RPS29: variants seen among roughly 807,000 people sequenced by gnomAD.
RPS29 encodes ribosomal protein S29.
For synonymous variants in RPS29, 37 were observed against 26.9 expected, an observed-to-expected ratio of 1.37 and a Z score of -1.16; for missense variants, 60 against 75.7, an observed-to-expected ratio of 0.79 and a Z score of 0.77.
chr14:49,586,642 C>T (rs1336591922), upstream of RPS29: 15 of 434,302 alleles, frequency 3.5e-5, no homozygotes, highest in African/African-American at 6.0e-5. Flanking sequence ...TGGAGGATCG[C>T]TTGAGTCCAG....
upstream of RPS29, among the ~76,000 whole-genome samples, chr14:49,591,230 C>T (rs979851931): frequency 9.9e-5 from 15 of 152,178 alleles, no homozygotes; most frequent in Admixed American, 9.8e-4. Flanking sequence ...AACCCTAGAC[C>T]CCTATTTTCC....
chr14:49,598,431 T>C (rs1421465794), exon 1 of RPS29: 2 of 701,246 alleles, frequency 2.9e-6, no homozygotes, highest in South Asian at 1.5e-5. Flanking sequence ...TCAGCAGGAA[T>C]TGCCAAGTCA....
intron 1 of RPS29, among the ~76,000 whole-genome samples, chr14:49,594,118 A>G (rs1379960974): frequency 1.3e-5 from 2 of 152,140 alleles, no homozygotes; most frequent in Non-Finnish European, 2.9e-5. Context: ...ATTCTATGAT[A>G]GGATATCCCT....
chr14:49,577,641 T>A, exon 3 of RPS29: 1 of 719,858 alleles, frequency 1.4e-6, no homozygotes, highest in Non-Finnish European at 2.5e-6. Flanking sequence ...TGGGCATAGA[T>A]CTGGCCCTCA....
intron 1 of RPS29, among the ~76,000 whole-genome samples, chr14:49,592,899 A>G (rs1262328108): frequency 7.4e-6 from 1 of 135,044 alleles, no homozygotes; most frequent in African/African-American, 2.6e-5. Flanking sequence ...CAAGAGCGAA[A>G]CCGCATCTCA....
downstream of RPS29, among the ~76,000 whole-genome samples, chr14:49,582,017 A>ACC (rs1566478913): frequency 1.1e-3 from 155 of 142,574 alleles, 2 homozygotes; most frequent in African/African-American, 3.8e-3. Flanking sequence ...CCCCCCAAAA[A>ACC]AAAAAAAAAA....
At chr14:49,588,566 C>T (rs149937057), upstream of RPS29, among the ~76,000 whole-genome samples, 4 of 151,470 alleles carry the variant, frequency 2.6e-5, no homozygotes, top group East Asian at 7.8e-4. Context: ...CTCACTCTGT[C>T]GCCCAGGCTG....
chr14:49,593,674 C>A (rs1881761242), intron 1 of RPS29, among the ~76,000 whole-genome samples: 1 of 106,152 alleles, frequency 9.4e-6, no homozygotes, highest in African/African-American at 3.7e-5. Context: ...GCCTGGGCGA[C>A]AGAGCAAGAC....
chr14:49,589,115 G>T (rs1365741691), upstream of RPS29, among the ~76,000 whole-genome samples: 2 of 151,622 alleles, frequency 1.3e-5, no homozygotes, highest in African/African-American at 4.8e-5. Context: ...GGATGGTCTC[G>T]ATCTCCTGAC....
intron 2 of RPS29, 140 bp downstream of exon 2, chr14:49,585,810 T>TA (rs980313507): frequency 1.7e-5 from 11 of 651,778 alleles, no homozygotes; most frequent in South Asian, 1.1e-4. Context: ...AGCTACCAAC[T>TA]AAAAAAAGAG....
intron 1 of RPS29, among the ~76,000 whole-genome samples, chr14:49,596,222 T>C (rs1265732634): frequency 6.6e-6 from 1 of 152,190 alleles, no homozygotes; most frequent in Non-Finnish European, 1.5e-5. Flanking sequence ...ATGTAGTTTG[T>C]AGGCCAGGTA....
Position 49,585,944 on chromosome 14 carries a change from G to A in RPS29, c.162+6C>T, listed in dbSNP as rs374060142. ...AACAACATGGAGTACGCCTGCAGAC[G>A]CCTACCTTAATGAAACCGATATCCT... On this transcript the variant is annotated splice_donor_region_variant and intron_variant, in intron 2 of 2. Coordinates refer to ENST00000245458, the MANE Select transcript of RPS29 (RefSeq NM_001032.5). 2 of 1,609,830 alleles carry A rather than the reference G, an allele frequency of 1.2e-6. No homozygotes were observed. The highest frequency in any genetic ancestry group is 1.7e-6 in the Non-Finnish European group (2 of 1,176,570).
At chr14:49,582,929 T>TA (rs1881384022), downstream of RPS29, among the ~76,000 whole-genome samples, 1 of 152,200 alleles carries the variant, frequency 6.6e-6, no homozygotes, top group Non-Finnish European at 1.5e-5. Flanking sequence ...TCCCCACAAA[T>TA]ACGCACATGC....
chr14:49,590,659 C>T (rs574087322), upstream of RPS29, among the ~76,000 whole-genome samples: 8 of 151,708 alleles, frequency 5.3e-5, no homozygotes, highest in Non-Finnish European at 1.2e-4. Flanking sequence ...TATCATGCCC[C>T]GGTTTTTTCC....
At chr14:49,579,275 A>T (rs1462367047), downstream of RPS29, among the ~76,000 whole-genome samples, 2 of 152,202 alleles carry the variant, frequency 1.3e-5, no homozygotes, top group Admixed American at 1.3e-4. Context: ...CCAGACATGA[A>T]ATCTACCAGC....
chr14:49,582,505 T>G (rs1282173149), downstream of RPS29, among the ~76,000 whole-genome samples: 1 of 152,158 alleles, frequency 6.6e-6, no homozygotes, highest in African/African-American at 2.4e-5. Context: ...TCTTTTAACC[T>G]GCTTTTTTTC....
chr14:49,574,395 A>C (rs1206255021), exon 3 of RPS29: 2 of 152,316 alleles, frequency 1.3e-5, no homozygotes, highest in East Asian at 3.9e-4. Flanking sequence ...TGGTGATCCC[A>C]TTCGAACCTA....
upstream of RPS29, among the ~76,000 whole-genome samples, chr14:49,589,671 C>T (rs1230814031): frequency 6.6e-6 from 1 of 152,180 alleles, no homozygotes; most frequent in African/African-American, 2.4e-5. Context: ...GACCAGCAAT[C>T]CCATTACTGG....
intron 2 of RPS29, chr14:49,577,946 C>A (rs549439328): frequency 5.2e-5 from 43 of 824,324 alleles, no homozygotes; most frequent in Non-Finnish European, 7.9e-5. Context: ...CCCTGTGAAA[C>A]ATGTTATGTC....
Sources: gnomAD v4.1 joint callset for allele counts (sites outside exome capture counted in the v4.1 genomes callset) on GRCh38, gnomAD v4.1.1 for gene constraint, MANE v1.5 for transcripts, NCBI Gene and HGNC (gene_info 2026-07-23, HGNC 2026-07-21) for gene names.